Variants in SPC25 observed in about 807,000 individuals in gnomAD.
The protein encoded by SPC25 is kinetochore protein Spc25.
SPC25 carries 22 observed loss-of-function variants against 29.6 expected under a neutral mutation model. The ratio of observed to expected loss-of-function variants is 0.74; its 90% CI spans 0.53 to 1.06. The LOEUF (loss-of-function observed/expected upper bound fraction) is 1.06. SPC25 is among the 50% of genes least tolerant of loss of function. SPC25 has a pLI of 0.00. For synonymous variants in SPC25, 91 were observed against 90.4 expected (o/e 1.01, Z -0.04); for missense variants, 230 against 255.8 (o/e 0.90, Z 0.69).
In SPC25 at chr2:168,890,300, G is replaced by GGC; in HGVS notation, c.-15+16_-15+17dup. The GGC allele has an allele frequency of 2.0e-6, 2 of 981,582 alleles. No individual in the cohort carries two copies. Among genetic ancestry groups the GGC allele is most frequent in the Non-Finnish European group, 2.4e-6 (2 of 826,452 alleles). 60.8% of individuals were successfully genotyped at this position (981,582 alleles called of 1,614,324 possible). Reference sequence around the variant, plus strand: ...ACAGGGGGGCCAAGGAGCCCAGCTCGGCGCCCAACTCCCTTACCTTCGCAG... The same window carrying GGC: ...ACAGGGGGGCCAAGGAGCCCAGCTCGGCGCGCCCAACTCCCTTACCTTCGCAG... On this transcript the variant is annotated intron_variant, in intron 1 of 6. Coordinates refer to ENST00000282074, the MANE Select transcript of SPC25 (RefSeq NM_020675.4).
intron 3 of SPC25, among the ~76,000 whole-genome samples, chr2:168,882,849 T>A (rs1239290339): frequency 1.3e-5 from 2 of 152,070 alleles, no homozygotes; most frequent in South Asian, 2.1e-4. Flanking sequence ...ATCACAGAAA[T>A]GCAAGTAAAA....
At chr2:168,875,326 AC>A (rs1189166131) in intron 5 of SPC25, among the ~76,000 whole-genome samples, 1 of 152,202 alleles carries the variant, frequency 6.6e-6, no homozygotes, top group East Asian at 1.9e-4. Context: ...AATGCATTTA[AC>A]ACCCTGATAA....
intron 4 of SPC25, among the ~76,000 whole-genome samples, chr2:168,862,408 C>A (rs1424190138): frequency 1.3e-5 from 2 of 152,212 alleles, no homozygotes; most frequent in Non-Finnish European, 2.9e-5. Flanking sequence ...CTTGGAAACA[C>A]AGTCATGCTC....
intron 3 of SPC25, among the ~76,000 whole-genome samples, chr2:168,886,520 ATTTC>A (rs1437102846): frequency 6.9e-6 from 1 of 145,050 alleles, no homozygotes; most frequent in African/African-American, 2.6e-5. Context: ...GTATAAACTG[ATTTC>A]TTTTTTTTTT....
chr2:168,876,975 C>T (rs1426778049), intron 4 of SPC25, among the ~76,000 whole-genome samples: 4 of 152,156 alleles, frequency 2.6e-5, no homozygotes, highest in African/African-American at 9.7e-5. Flanking sequence ...ATTTCTCACT[C>T]TGCTTAATTA....
chr2:168,875,681 T>C (rs1013153854), intron 5 of SPC25, among the ~76,000 whole-genome samples: 2 of 152,054 alleles, frequency 1.3e-5, no homozygotes, highest in African/African-American at 2.4e-5. Context: ...CAAATGTTGG[T>C]AGAAGCAAAA....
intron 4 of SPC25, chr2:168,864,840 T>C (rs770453222): frequency 2.5e-6 from 4 of 1,613,916 alleles, no homozygotes; most frequent in South Asian, 2.2e-5. Context: ...ACAGGTGACA[T>C]TGTGATTATA....
At chr2:168,866,726 A>T (rs1358963887), downstream of SPC25, among the ~76,000 whole-genome samples, 1 of 151,342 alleles carries the variant, frequency 6.6e-6, no homozygotes, top group Non-Finnish European at 1.5e-5. Flanking sequence ...GCCACCTACC[A>T]TCTGACAAAG....
chr2:168,888,223 G>T (rs1460491453), intron 3 of SPC25, among the ~76,000 whole-genome samples: 2 of 152,082 alleles, frequency 1.3e-5, no homozygotes, highest in Non-Finnish European at 2.9e-5. Flanking sequence ...GCTGAAATGA[G>T]CCTAGATCAT....
chr2:168,890,260 C>G, intron 1 of SPC25, 58 bp downstream of exon 1: 1 of 899,724 alleles, frequency 1.1e-6, no homozygotes, highest in Non-Finnish European at 1.3e-6. Context: ...CTCAAATTCA[C>G]TTTCCCTTAT....
chr2:168,863,352 G>GAGTT, intron 4 of SPC25: 3 of 937,570 alleles, frequency 3.2e-6, no homozygotes, highest in Non-Finnish European at 3.8e-6. Flanking sequence ...GATAGAAAAG[G>GAGTT]AGTTAATAAT....
chr2:168,862,845 G>A (rs1689552429), intron 4 of SPC25, among the ~76,000 whole-genome samples: 5 of 152,174 alleles, frequency 3.3e-5, no homozygotes, highest in Admixed American at 2.0e-4. Context: ...AAAGAGTAAC[G>A]TTATGGGAGA....
intron 3 of SPC25, among the ~76,000 whole-genome samples, chr2:168,880,392 C>G (rs1690157684): frequency 6.6e-6 from 1 of 152,210 alleles, no homozygotes; most frequent in African/African-American, 2.4e-5. Flanking sequence ...CTTCTGCTAG[C>G]TTCAAACTTT....
chr2:168,864,035 C>A (rs369690535), intron 4 of SPC25, among the ~76,000 whole-genome samples: 4 of 151,602 alleles, frequency 2.6e-5, no homozygotes, highest in East Asian at 3.9e-4. Context: ...CTCAGTCTCC[C>A]AAGCTCACTG....
chr2:168,878,505 C>T (rs1205329874), intron 3 of SPC25, among the ~76,000 whole-genome samples: 2 of 152,136 alleles, frequency 1.3e-5, no homozygotes, highest in Non-Finnish European at 2.9e-5. Context: ...AAATAGATGC[C>T]AGTTAGCACT....
chr2:168,873,679 C>G lies in SPC25; in HGVS notation c.456G>C (p.Glu152Asp). Residue 152 changes from glutamate (E) to aspartate (D), a missense_variant, in exon 6 of 7, where the codon GAG becomes GAC. By Grantham distance (45) the Glu-to-Asp change is conservative. Transcript: ENST00000282074. ...TATTAGTGAAAATAAACTGCAATTT[C>G]TCACCTGAAAAGAGATTAAACTATT... ...LGLEIRKIYG[E>D]KLQFIFTNID... The G allele has an allele frequency of 2.5e-6, 4 of 1,605,294 alleles. No individual in the cohort carries two copies. Among genetic ancestry groups the G allele is most frequent in the Non-Finnish European group, 3.4e-6 (4 of 1,172,876 alleles).
At chr2:168,866,197 G>A (rs1284927848), downstream of SPC25, among the ~76,000 whole-genome samples, 1 of 152,420 alleles carries the variant, frequency 6.6e-6, no homozygotes, top group South Asian at 2.1e-4. Context: ...AAAGCCAGAG[G>A]CATCACGCTA....
chr2:168,862,584 C>A (rs1370543287), intron 4 of SPC25, among the ~76,000 whole-genome samples: 2 of 152,184 alleles, frequency 1.3e-5, no homozygotes, highest in African/African-American at 4.8e-5. Context: ...CAGCTGACTC[C>A]CAGCTTAGTG....
At chr2:168,866,700 A>G (rs1014043696), downstream of SPC25, among the ~76,000 whole-genome samples, 5 of 152,224 alleles carry the variant, frequency 3.3e-5, no homozygotes, top group Non-Finnish European at 7.3e-5. Flanking sequence ...AACCTACAGA[A>G]TGGGAGAAAA....
Sources: gnomAD v4.1 joint callset for allele counts (sites outside exome capture counted in the v4.1 genomes callset) on GRCh38, gnomAD v4.1.1 for gene constraint, MANE v1.5 for transcripts, NCBI Gene and HGNC (gene_info 2026-07-23, HGNC 2026-07-21) for gene names.